SLAMF1: variants seen among roughly 807,000 people sequenced by gnomAD.
SLAMF1 encodes the protein signaling lymphocytic activation molecule family member 1.
In SLAMF1, 18 loss-of-function variants were observed where a neutral mutation model predicts 35.1. The observed-to-expected ratio is 0.51, with a 90% CI of 0.35 to 0.76. SLAMF1 has a LOEUF of 0.76. Among genes scored for constraint, SLAMF1 ranks in the 30% least tolerant of loss-of-function variants. The pLI is 0.01. For synonymous variants in SLAMF1, 168 were observed against 157.2 expected, an observed-to-expected ratio of 1.07 and a Z score of -0.51; for missense variants, 392 against 413.0, an observed-to-expected ratio of 0.95 and a Z score of 0.44.
Position 160,608,130 on chromosome 1 carries a change from T to G in SLAMF1, c.*2618A>C, listed in dbSNP as rs1658794620. The stretch of plus-strand genomic sequence containing the variant: ...ATTTCCTTGATGGACTGGCTGTAAT[T>G]TATTCATTTCCAAAAAGTAGAAACA... On this transcript the variant is annotated 3_prime_UTR_variant, in exon 7 of 7. Coordinates refer to ENST00000302035, the MANE Select transcript of SLAMF1 (RefSeq NM_003037.5). The G allele has an allele frequency of 6.6e-6, 1 of 152,202 alleles. No individual in the cohort carries two copies. The highest frequency in any genetic ancestry group is 1.5e-5 in the Non-Finnish European group (1 of 68,042). The allele number at this position is 152,202 out of a possible 1,614,324, so 9.4% of individuals were successfully genotyped here.
At chr1:160,613,303 A>G (rs1659100149) in intron 5 of SLAMF1, among the ~76,000 whole-genome samples, 1 of 152,198 alleles carries the variant, frequency 6.6e-6, no homozygotes, top group African/African-American at 2.4e-5. Context: ...TATTTAAAAC[A>G]TTCTGATATA....
intron 4 of SLAMF1, among the ~76,000 whole-genome samples, chr1:160,623,851 A>G (rs749871068): frequency 3.9e-5 from 6 of 152,198 alleles, no homozygotes; most frequent in Non-Finnish European, 7.3e-5. Flanking sequence ...AATTATCTGA[A>G]TAATGTCTCT....
At chr1:160,632,678 T>C (rs1314852651) in intron 3 of SLAMF1, among the ~76,000 whole-genome samples, 1 of 152,150 alleles carries the variant, frequency 6.6e-6, no homozygotes, top group East Asian at 1.9e-4. Flanking sequence ...TGCCCTGTTT[T>C]TGTACTCTAA....
chr1:160,639,518 T>G (rs1013670289), intron 1 of SLAMF1, among the ~76,000 whole-genome samples: 1 of 152,188 alleles, frequency 6.6e-6, no homozygotes, highest in Non-Finnish European at 1.5e-5. Flanking sequence ...TGAGCCACTG[T>G]GCCCAGCCAT....
intron 1 of SLAMF1, among the ~76,000 whole-genome samples, chr1:160,638,993 A>C (rs1224204972): frequency 1.3e-5 from 2 of 152,070 alleles, no homozygotes; most frequent in Non-Finnish European, 2.9e-5. Flanking sequence ...ACCCAATTGC[A>C]CAGTCTGACA....
At chr1:160,635,009 A>G (rs1660362091) in intron 2 of SLAMF1, 112 bp from the exon 3 acceptor site, 1 of 898,952 alleles carries the variant, frequency 1.1e-6, no homozygotes, top group Non-Finnish European at 1.7e-6. Context: ...CTCCCCCTCA[A>G]TGTGATTTAT....
chr1:160,620,728 G>T (rs190849229), intron 4 of SLAMF1, among the ~76,000 whole-genome samples: 1 of 152,160 alleles, frequency 6.6e-6, no homozygotes, highest in African/African-American at 2.4e-5. Context: ...AAAGTTTGAT[G>T]TATATCCCTG....
chr1:160,612,345 G>A, intron 6 of SLAMF1, 143 bp downstream of exon 6: 1 of 556,292 alleles, frequency 1.8e-6, no homozygotes, highest in Admixed American at 3.1e-5. Context: ...ACAGTATTTT[G>A]TCACCTAGGT....
intron 2 of SLAMF1, among the ~76,000 whole-genome samples, chr1:160,636,642 C>T (rs1321198086): frequency 1.3e-5 from 2 of 152,252 alleles, no homozygotes; most frequent in Non-Finnish European, 2.9e-5. Flanking sequence ...CCAAAAGGCA[C>T]TTCTTCCACC....
chr1:160,617,728 C>T (rs948300876), intron 5 of SLAMF1, among the ~76,000 whole-genome samples: 48 of 152,102 alleles, frequency 3.2e-4, no homozygotes, highest in African/African-American at 1.1e-3. Flanking sequence ...TCAGGAAGTA[C>T]GGGCAATGTT....
chr1:160,637,611 G>A, intron 1 of SLAMF1, 82 bp from the exon 2 acceptor site: 3 of 998,630 alleles, frequency 3.0e-6, no homozygotes, highest in East Asian at 2.6e-5. Context: ...AGGACAGACT[G>A]GAGGCTCTCC....
chr1:160,640,680 G>A (rs188265753), intron 1 of SLAMF1, among the ~76,000 whole-genome samples: 376 of 152,104 alleles, frequency 2.5e-3, no homozygotes, highest in African/African-American at 7.3e-3. Context: ...TCAGTAAAGG[G>A]CTCAGCTAAT....
At chr1:160,640,357 T>TAC (rs1553242533) in intron 1 of SLAMF1, among the ~76,000 whole-genome samples, 23 of 105,474 alleles carry the variant, frequency 2.2e-4, no homozygotes, top group East Asian at 8.7e-4. Context: ...TATATATATA[T>TAC]ATACACACAC....
chr1:160,638,932 G>A (rs985276654), intron 1 of SLAMF1, among the ~76,000 whole-genome samples: 1 of 152,138 alleles, frequency 6.6e-6, no homozygotes, highest in African/African-American at 2.4e-5. Flanking sequence ...AAATACTGGA[G>A]CATCTCAGTA....
chr1:160,617,997 C>T (rs1432223676), intron 5 of SLAMF1, among the ~76,000 whole-genome samples: 1 of 152,098 alleles, frequency 6.6e-6, no homozygotes, highest in Non-Finnish European at 1.5e-5. Context: ...CACTTGAACC[C>T]AGGAGGCGGA....
chr1:160,623,257 A>G (rs574051407), intron 4 of SLAMF1, among the ~76,000 whole-genome samples: 1 of 152,306 alleles, frequency 6.6e-6, no homozygotes, highest in Non-Finnish European at 1.5e-5. Flanking sequence ...CCCGAGCCCC[A>G]TAGGCTGTCA....
At chr1:160,619,949 CA>C (rs1223527605) in intron 4 of SLAMF1, 100 bp from the exon 5 acceptor site, 1 of 791,608 alleles carries the variant, frequency 1.3e-6, no homozygotes, top group Non-Finnish European at 2.2e-6. Flanking sequence ...CCACTTTCCC[CA>C]AGGGCACAAT....
At chr1:160,621,855 C>CGTGT (rs59676823) in intron 4 of SLAMF1, among the ~76,000 whole-genome samples, 10,542 of 145,164 alleles carry the variant, frequency 0.073, 390 homozygotes, top group African/African-American at 0.084. Flanking sequence ...TGCGTGAGTG[C>CGTGT]GTGTGTGTGT....
intron 1 of SLAMF1, among the ~76,000 whole-genome samples, chr1:160,641,428 G>T (rs1660738944): frequency 6.6e-6 from 1 of 151,534 alleles, no homozygotes; most frequent in Admixed American, 6.6e-5. Context: ...TGGGGGAGGA[G>T]AAAGAGGGAT....
Sources: gnomAD v4.1 joint callset for allele counts (sites outside exome capture counted in the v4.1 genomes callset) on GRCh38, gnomAD v4.1.1 for gene constraint, MANE v1.5 for transcripts, NCBI Gene and HGNC (gene_info 2026-07-23, HGNC 2026-07-21) for gene names.